CCSER1: variants seen among roughly 807,000 people sequenced by gnomAD.
The protein encoded by CCSER1 is coiled-coil serine rich protein 1, also known as serine-rich coiled-coil domain-containing protein 1.
A neutral mutation model predicts 82.0 loss-of-function variants in CCSER1; 41 were observed. The observed-to-expected ratio is 0.50, with a 90% CI of 0.39 to 0.65. CCSER1 has a LOEUF of 0.65. CCSER1 is among the 30% of genes least tolerant of loss of function. The pLI is 0.00. For missense variants in CCSER1, 1,119 were observed against 1,064.2 expected (o/e 1.05, Z -0.72); for synonymous variants, 414 against 383.9 (o/e 1.08, Z -0.92).
At position 90,266,856 on chromosome 4, in the gene CCSER1, C is replaced by T. The variant is rs117109331; in HGVS notation, c.-41-41388C>T. Among the ~76,000 whole-genome samples, 19 of 152,128 alleles carry T rather than the reference C, an allele frequency of 1.2e-4. No individual in the cohort carries two copies. In the East Asian group the frequency reaches 3.5e-3, roughly 28 times the overall value. On this transcript the variant is annotated intron_variant, in intron 1 of 10. Transcript: ENST00000509176. ...TAAACTTGAAAGGCTCACTAGGCCA[C>T]AGGGACTACAAATCCTAGGCAAGTC...
At chr4:91,531,572 C>T (rs1380375719) in intron 10 of CCSER1, among the ~76,000 whole-genome samples, 4 of 152,140 alleles carry the variant, frequency 2.6e-5, no homozygotes, top group Admixed American at 6.6e-5. Context: ...TTAGTTACTC[C>T]ATGTTTTAGT....
intron 7 of CCSER1, among the ~76,000 whole-genome samples, chr4:90,745,868 T>A (rs910758823): frequency 1.1e-4 from 12 of 107,768 alleles, no homozygotes; most frequent in African/African-American, 3.7e-4. Context: ...TTTTTTTTAA[T>A]TTTTTTTTTC....
intron 5 of CCSER1, among the ~76,000 whole-genome samples, chr4:90,532,588 C>T (rs540292561): frequency 4.9e-4 from 74 of 152,100 alleles, no homozygotes; most frequent in African/African-American, 1.6e-3. Context: ...GTGCCTGGTG[C>T]ACGTTTGCTG....
At position 91,205,893 on chromosome 4, in the gene CCSER1, GA is replaced by G. The variant is rs375968005; in HGVS notation, c.2217+119901del. Among the ~76,000 whole-genome samples the G allele has an allele frequency of 2.7e-3, 406 of 151,828 alleles. 1 individual carries two copies. Among genetic ancestry groups the G allele is most frequent in the African/African-American group, 9.4e-3 (392 of 41,484 alleles). ...TACAAGACGCTGTGAAAAGTACTGA[GA>G]ATAGAGCAAGAAACAAGATCAACAG... On this transcript the variant is annotated intron_variant, in intron 10 of 10. Coordinates refer to ENST00000509176, the MANE Select transcript of CCSER1 (RefSeq NM_001145065.2).
Position 91,462,573 on chromosome 4 carries a change from G to A in CCSER1, c.2218-135999G>A, listed in dbSNP as rs151240348. 1.2e-4 allele frequency among the ~76,000 whole-genome samples: 18 copies of A among 152,198 alleles called. 1 individual carries two copies. Among genetic ancestry groups the A allele is most frequent in the Admixed American group, 6.5e-4 (10 of 15,298 alleles). On this transcript the variant is annotated intron_variant, in intron 10 of 10. Coordinates refer to ENST00000509176, the MANE Select transcript of CCSER1 (RefSeq NM_001145065.2). ...AGCAGGGCACGGCATCGCCTCACCCGGGAAGTGCAAGGGGTCAAGGAATTC... is the reference window on the plus strand; with the variant it reads ...AGCAGGGCACGGCATCGCCTCACCCAGGAAGTGCAAGGGGTCAAGGAATTC...
intron 8 of CCSER1, among the ~76,000 whole-genome samples, chr4:90,849,177 A>T (rs950406343): frequency 7.9e-5 from 12 of 152,274 alleles, no homozygotes; most frequent in Non-Finnish European, 1.2e-4. Context: ...GAAGACAAGG[A>T]AATGGGGGAA....
intron 8 of CCSER1, among the ~76,000 whole-genome samples, chr4:90,836,462 T>C (rs1761823515): frequency 6.6e-6 from 1 of 152,190 alleles, no homozygotes; most frequent in Non-Finnish European, 1.5e-5. Flanking sequence ...TGACTCACTC[T>C]TGGAGTTTCT....
At chr4:90,975,676 T>C (rs74634595) in intron 9 of CCSER1, among the ~76,000 whole-genome samples, 3,938 of 151,280 alleles carry the variant, frequency 0.026, 182 homozygotes, top group African/African-American at 0.086. Context: ...TCATTGTTAT[T>C]TTTGTTGCTA....
intron 10 of CCSER1, among the ~76,000 whole-genome samples, chr4:91,163,867 G>A (rs1297803122): frequency 6.6e-6 from 1 of 152,044 alleles, no homozygotes; most frequent in African/African-American, 2.4e-5. Context: ...CACACTGATG[G>A]GTCTTGACTC....
chr4:91,059,475 A>ATATATAT (rs1743775888), intron 9 of CCSER1, among the ~76,000 whole-genome samples: 1 of 147,762 alleles, frequency 6.8e-6, no homozygotes, highest in African/African-American at 2.5e-5. Flanking sequence ...ATATATATAT[A>ATATATAT]AGTCTCCAAA....
chr4:91,412,204 T>A (rs1262604845), intron 10 of CCSER1, among the ~76,000 whole-genome samples: 2 of 151,942 alleles, frequency 1.3e-5, no homozygotes, highest in Non-Finnish European at 2.9e-5. Flanking sequence ...CCCCTGTAAA[T>A]ATATCTATAT....
intron 9 of CCSER1, among the ~76,000 whole-genome samples, chr4:90,928,814 C>T (rs532216041): frequency 3.3e-5 from 5 of 151,824 alleles, no homozygotes; most frequent in African/African-American, 7.3e-5. Flanking sequence ...ATTGCTGGAG[C>T]CCTAGATAAG....
intron 5 of CCSER1, among the ~76,000 whole-genome samples, chr4:90,544,024 C>T (rs111571074): frequency 2.6e-5 from 4 of 152,030 alleles, no homozygotes; most frequent in African/African-American, 9.7e-5. Context: ...CCAGTAAAAG[C>T]AGCAGTCGAA....
chr4:91,085,898 A>C (rs1723345849), intron 9 of CCSER1, 52 bp from the exon 10 acceptor site: 1 of 1,001,752 alleles, frequency 1.0e-6, no homozygotes, highest in Admixed American at 2.2e-5. Flanking sequence ...AATATGAATT[A>C]TTATTTAATT....
At chr4:90,165,263 A>G (rs1005115847) in intron 1 of CCSER1, among the ~76,000 whole-genome samples, 30 of 152,230 alleles carry the variant, frequency 2.0e-4, no homozygotes, top group African/African-American at 6.7e-4. Flanking sequence ...TGTGCTTTAA[A>G]TATTACTAAA....
At chr4:91,079,723 G>T (rs1722475217) in intron 9 of CCSER1, among the ~76,000 whole-genome samples, 1 of 152,132 alleles carries the variant, frequency 6.6e-6, no homozygotes, top group Admixed American at 6.5e-5. Context: ...GATGCAGGAA[G>T]ATCAACCAAG....
intron 5 of CCSER1, among the ~76,000 whole-genome samples, chr4:90,590,710 A>T (rs1560772361): frequency 6.6e-6 from 1 of 152,050 alleles, no homozygotes; most frequent in Non-Finnish European, 1.5e-5. Flanking sequence ...GCCTTGTAGT[A>T]TAGTTTGAAG....
At chr4:90,557,426 G>A (rs1302175901) in intron 5 of CCSER1, among the ~76,000 whole-genome samples, 1 of 152,066 alleles carries the variant, frequency 6.6e-6, no homozygotes, top group African/African-American at 2.4e-5. Context: ...ATTACTAGTA[G>A]AACAAATTGG....
intron 7 of CCSER1, among the ~76,000 whole-genome samples, chr4:90,761,744 C>T (rs1271398909): frequency 6.6e-6 from 1 of 151,992 alleles, no homozygotes; most frequent in Admixed American, 6.6e-5. Flanking sequence ...TTGGGTTAGG[C>T]GTTCATTAAA....
Sources: gnomAD v4.1 joint callset for allele counts (sites outside exome capture counted in the v4.1 genomes callset) on GRCh38, gnomAD v4.1.1 for gene constraint, MANE v1.5 for transcripts, NCBI Gene and HGNC (gene_info 2026-07-23, HGNC 2026-07-21) for gene names.